Variants in MAP4 observed in about 807,000 individuals in gnomAD.
MAP4 encodes the protein microtubule associated protein 4, also known as microtubule-associated protein 4.
In MAP4, 76 loss-of-function variants were observed where a neutral mutation model predicts 170.2. The observed-to-expected ratio is 0.45, with a 90% CI of 0.37 to 0.54. The LOEUF is 0.54. MAP4 is among the 20% of genes least tolerant of loss of function. The pLI, the probability that MAP4 is intolerant of heterozygous loss-of-function variation, is 0.00. For missense variants in MAP4, 2,506 were observed against 2,748.0 expected, an observed-to-expected ratio of 0.91 and a Z score of 1.97; for synonymous variants, 909 against 994.5, an observed-to-expected ratio of 0.91 and a Z score of 1.62.
chr3:47,993,343 A>C (rs2100093528), intron 2 of MAP4, among the ~76,000 whole-genome samples: 2 of 152,070 alleles, frequency 1.3e-5, no homozygotes, highest in African/African-American at 4.8e-5. Context: ...TCAAAAAAAG[A>C]AAAAAAATAA....
chr3:48,033,508 T>A (rs1370540733), intron 1 of MAP4, among the ~76,000 whole-genome samples: 1 of 152,298 alleles, frequency 6.6e-6, no homozygotes, highest in Non-Finnish European at 1.5e-5. Flanking sequence ...TTTTTTTAAT[T>A]GAAGTGAAGT....
chr3:47,959,861 G>A (rs2100070460), intron 3 of MAP4, among the ~76,000 whole-genome samples: 1 of 151,948 alleles, frequency 6.6e-6, no homozygotes, highest in South Asian at 2.1e-4. Flanking sequence ...ATGGAGTTTT[G>A]GCCATTTTTA....
At chr3:48,085,252 G>T (rs2100148524) in intron 1 of MAP4, among the ~76,000 whole-genome samples, 1 of 137,284 alleles carries the variant, frequency 7.3e-6, no homozygotes, top group Non-Finnish European at 1.6e-5. Context: ...AAAGTTTACA[G>T]AGCCAAAGGA....
chr3:48,065,600 T>C (rs1221040833), intron 1 of MAP4, among the ~76,000 whole-genome samples: 2 of 152,218 alleles, frequency 1.3e-5, no homozygotes, highest in Admixed American at 6.5e-5. Context: ...GAAGCCTGCC[T>C]TGGTGTTGAG....
chr3:47,936,155 C>A (rs1002897395), intron 3 of MAP4, among the ~76,000 whole-genome samples: 8 of 151,594 alleles, frequency 5.3e-5, no homozygotes, highest in African/African-American at 1.9e-4. Flanking sequence ...GAGAAAGAGG[C>A]CAGGCATGGT....
In MAP4 at chr3:47,911,588, T is replaced by C. The variant is rs1444236084; in HGVS notation, c.2833A>G (p.Lys945Glu). ...NVETPLDIRL[K>E]EGCSPFLDQE... is the part of the protein sequence containing the mutation. ...TCCAAGAAAGGAGAGCAACCCTCTT[T>C]AAGTCTGATATCCAAAGGGGTTTCT... is the stretch of plus-strand genomic sequence containing the variant. Residue 945 changes from lysine (K) to glutamate (E), a missense_variant, in exon 9 of 21, where the codon AAA becomes GAA. By Grantham distance (56) the Lys-to-Glu change is moderately conservative. Coordinates refer to ENST00000683076, the MANE Select transcript of MAP4 (RefSeq NM_001385682.1). This position sits in a 1 kb window ranked among gnomAD's most constrained non-coding sequence, Gnocchi z 4.0. The C allele has an allele frequency of 6.5e-7, 1 of 1,536,138 alleles. No homozygotes were observed. Among genetic ancestry groups the C allele is most frequent in the East Asian group, 2.4e-5 (1 of 40,920 alleles).
chr3:48,081,637 G>A (rs2100146736), intron 1 of MAP4, among the ~76,000 whole-genome samples: 1 of 151,992 alleles, frequency 6.6e-6, no homozygotes, highest in African/African-American at 2.4e-5. Flanking sequence ...CTGTGGTGCT[G>A]GATCAGCATC....
rs141875227 is a variant in MAP4 at position 47,881,141 on chromosome 3, C to T, written c.5435-3618G>A. Among the ~76,000 whole-genome samples the T allele has an allele frequency of 1.3e-3, 204 of 151,856 alleles. 1 individual carries two copies. The highest frequency in any genetic ancestry group is 4.6e-3 in the African/African-American group (190 of 41,420). ...GGGATTGATCCTTTATTCTTTTCTC[C>T]GACATCTACTTTGTCTGATGTTAGT... On this transcript the variant is annotated intron_variant, in intron 10 of 20. Coordinates refer to ENST00000683076, the MANE Select transcript of MAP4 (RefSeq NM_001385682.1).
intron 1 of MAP4, among the ~76,000 whole-genome samples, chr3:48,012,007 G>A (rs1208690404): frequency 1.3e-5 from 2 of 152,096 alleles, no homozygotes; most frequent in Middle Eastern, 3.2e-3. Flanking sequence ...TCCTGAGATC[G>A]GATTAAGAAC....
chr3:47,886,304 T>G (rs2097577302), intron 10 of MAP4, among the ~76,000 whole-genome samples: 1 of 152,100 alleles, frequency 6.6e-6, no homozygotes, highest in African/African-American at 2.4e-5. Context: ...CAACTTCTTT[T>G]TTGTTGTTTG....
chr3:48,002,945 T>C (rs2100100035), intron 1 of MAP4, among the ~76,000 whole-genome samples: 1 of 121,592 alleles, frequency 8.2e-6, no homozygotes, highest in African/African-American at 2.8e-5. Context: ...GCTGTTAACA[T>C]TAAGGCCAAA....
intron 12 of MAP4, among the ~76,000 whole-genome samples, chr3:47,872,304 C>A (rs1409645899): frequency 1.3e-5 from 2 of 152,216 alleles, no homozygotes; most frequent in Non-Finnish European, 2.9e-5. Flanking sequence ...CTGACTCAGC[C>A]TCCAGAGTAG....
In MAP4 at chr3:47,875,761, G is replaced by A. The variant is rs750259996; in HGVS notation, c.5681C>T (p.Pro1894Leu). The A allele has an allele frequency of 2.5e-6, 4 of 1,614,044 alleles. No individual in the cohort carries two copies. The highest frequency in any genetic ancestry group is 3.4e-6 in the Non-Finnish European group (4 of 1,180,024). The part of the protein sequence containing the change: ...KPMSLASGLV[P>L]AAPPKRPAVA... The stretch of plus-strand genomic sequence containing the variant: ...GGCAGGGCGTTTGGGTGGGGCAGCT[G>A]GCACTAAGCCTGAAGCAAGGCTCAT... Residue 1894 changes from proline (P) to leucine (L), a missense_variant, in exon 12 of 21, where the codon CCA becomes CTA. By Grantham distance (98) the Pro-to-Leu change is moderately conservative. This residue lies in a region of MAP4 where 487 missense variants were observed against 511.6 expected (regional missense o/e 0.95). Transcript: ENST00000683076.
At chr3:47,977,751 A>G in intron 3 of MAP4, 114 bp downstream of exon 3, 1 of 716,104 alleles carries the variant, frequency 1.4e-6, no homozygotes, top group East Asian at 2.6e-5. Context: ...GAACACTACC[A>G]CCCTCAGAAA....
intron 18 of MAP4, among the ~76,000 whole-genome samples, chr3:47,856,573 T>C (rs1476337458): frequency 6.6e-6 from 1 of 152,022 alleles, no homozygotes; most frequent in Non-Finnish European, 1.5e-5. Context: ...TCCAAAGGCA[T>C]GCACCACCAC....
intron 17 of MAP4, among the ~76,000 whole-genome samples, chr3:47,863,745 T>C (rs1221450413): frequency 6.6e-6 from 1 of 151,722 alleles, no homozygotes; most frequent in Admixed American, 6.6e-5. Context: ...AGCCACTACA[T>C]TGGCACTGGC....
At chr3:48,026,246 G>T (rs917899621) in intron 1 of MAP4, among the ~76,000 whole-genome samples, 1 of 152,130 alleles carries the variant, frequency 6.6e-6, no homozygotes, top group Non-Finnish European at 1.5e-5. Context: ...ATTTAAGATT[G>T]AGTTTGCCTT....
intron 1 of MAP4, among the ~76,000 whole-genome samples, chr3:48,029,530 G>A (rs528671019): frequency 6.6e-6 from 1 of 152,276 alleles, no homozygotes; most frequent in East Asian, 1.9e-4. Flanking sequence ...TCAATGACCT[G>A]AAAAGCTTGG....
At chr3:47,939,248 C>T (rs982287930) in intron 3 of MAP4, among the ~76,000 whole-genome samples, 1 of 152,246 alleles carries the variant, frequency 6.6e-6, no homozygotes, top group South Asian at 2.1e-4. Flanking sequence ...AGAATTTAGT[C>T]CTTAAGCACA....
Sources: gnomAD v4.1 joint callset for allele counts (sites outside exome capture counted in the v4.1 genomes callset) on GRCh38, gnomAD v4.1.1 for gene constraint, gnomAD v4.1.1 regional missense constraint, Gnocchi (gnomAD v3.1) non-coding constraint, MANE v1.5 for transcripts, NCBI Gene and HGNC (gene_info 2026-07-23, HGNC 2026-07-21) for gene names.